Variants in RASGEF1A observed in about 807,000 individuals in gnomAD.
RASGEF1A encodes the protein RasGEF domain family member 1A.
A neutral mutation model predicts 56.4 loss-of-function variants in RASGEF1A; 18 were observed. The observed-to-expected ratio is 0.32, with a 90% confidence interval of 0.22 to 0.47. The LOEUF (loss-of-function observed/expected upper bound fraction) is 0.47. Among genes scored for constraint, RASGEF1A ranks in the 20% least tolerant of loss-of-function variants. The probability of loss-of-function intolerance (pLI) is 1.00; values close to 1 mark genes in which losing one functional copy is unlikely to be tolerated. For missense variants in RASGEF1A, 422 were observed against 627.1 expected (o/e 0.67, Z 3.49); for synonymous variants, 245 against 242.6 (o/e 1.01, Z -0.09).
chr10:43,255,701 C>A (rs1840680119), intron 1 of RASGEF1A, among the ~76,000 whole-genome samples: 2 of 152,210 alleles, frequency 1.3e-5, no homozygotes, highest in South Asian at 4.1e-4. Context: ...AGAGTTAAAA[C>A]CAAAACCCAG....
intron 1 of RASGEF1A, among the ~76,000 whole-genome samples, chr10:43,226,894 C>CACTAAGA (rs1476601564): frequency 6.6e-6 from 1 of 152,218 alleles, no homozygotes; most frequent in African/African-American, 2.4e-5. Flanking sequence ...CGGAACAGCC[C>CACTAAGA]ATGGACCTTA....
chr10:43,211,380 C>T (rs1237856734), intron 1 of RASGEF1A, among the ~76,000 whole-genome samples: 6 of 152,186 alleles, frequency 3.9e-5, no homozygotes, highest in Non-Finnish European at 8.8e-5. Context: ...CCCTGACCTG[C>T]ACAGCCTCAG....
At chr10:43,248,247 T>C (rs1227413527) in intron 1 of RASGEF1A, among the ~76,000 whole-genome samples, 1 of 151,498 alleles carries the variant, frequency 6.6e-6, no homozygotes, top group Non-Finnish European at 1.5e-5. Flanking sequence ...TCCCAGCTAC[T>C]TGGGAGGCTG....
Position 43,196,667 on chromosome 10 carries a change from C to A in RASGEF1A, c.1349-119G>T. On this transcript the variant is annotated intron_variant, in intron 11 of 12. Transcript: ENST00000395810. The surrounding 1 kb of genome is among the most constrained non-coding windows in gnomAD (Gnocchi z 4.6). ...GACAGTGACCTCTGGCTGGGCTGAA[C>A]ACAGTTCTCTGCTGTGCGGGGCTCT... 2.0e-6 allele frequency: 2 copies of A among 989,934 alleles called. No individual in the cohort carries two copies. The highest frequency in any genetic ancestry group is 3.1e-6 in the Non-Finnish European group (2 of 635,126). The allele number at this position is 989,934 out of a possible 1,614,324, so 61.3% of individuals were successfully genotyped here.
intron 1 of RASGEF1A, among the ~76,000 whole-genome samples, chr10:43,245,822 C>G (rs1384827394): frequency 6.6e-6 from 1 of 152,126 alleles, no homozygotes; most frequent in Non-Finnish European, 1.5e-5. Context: ...TTGTAGAAGA[C>G]CAAAAGCTTT....
chr10:43,234,489 C>T (rs1416849939), intron 1 of RASGEF1A, among the ~76,000 whole-genome samples: 1 of 152,170 alleles, frequency 6.6e-6, no homozygotes, highest in Non-Finnish European at 1.5e-5. Flanking sequence ...GGTGACAGAC[C>T]TTGCAGAACA....
intron 1 of RASGEF1A, among the ~76,000 whole-genome samples, chr10:43,239,779 G>A (rs1354829234): frequency 6.6e-6 from 1 of 152,214 alleles, no homozygotes; most frequent in African/African-American, 2.4e-5. Context: ...AAGGATGTCT[G>A]TATTTGACCT....
At chr10:43,266,428 C>A (rs1012872638) in intron 1 of RASGEF1A, among the ~76,000 whole-genome samples, 3 of 152,068 alleles carry the variant, frequency 2.0e-5, no homozygotes, top group Non-Finnish European at 4.4e-5. Flanking sequence ...ATGGAAACTT[C>A]CAACTGCGCA....
At chr10:43,219,579 G>A (rs892587591) in intron 1 of RASGEF1A, among the ~76,000 whole-genome samples, 9 of 152,210 alleles carry the variant, frequency 5.9e-5, no homozygotes, top group Non-Finnish European at 1.2e-4. Context: ...GCCCACCCGG[G>A]CACACTGCCC....
chr10:43,236,870 AG>A (rs1840437474), intron 1 of RASGEF1A, among the ~76,000 whole-genome samples: 1 of 152,100 alleles, frequency 6.6e-6, no homozygotes, highest in African/African-American at 2.4e-5. Flanking sequence ...CCTGGTGTGT[AG>A]GGGACAAGGG....
intron 1 of RASGEF1A, among the ~76,000 whole-genome samples, chr10:43,218,407 G>C (rs1445827421): frequency 6.6e-6 from 1 of 152,248 alleles, no homozygotes; most frequent in Non-Finnish European, 1.5e-5. Context: ...CTCAGAGCTG[G>C]CTCTGGTCTA....
chr10:43,229,078 C>T (rs1031744747), intron 1 of RASGEF1A, among the ~76,000 whole-genome samples: 29 of 152,208 alleles, frequency 1.9e-4, no homozygotes, highest in Admixed American at 9.2e-4. Context: ...AGGACCAGTT[C>T]TCCGCCTGCA....
intron 1 of RASGEF1A, among the ~76,000 whole-genome samples, chr10:43,222,022 C>T (rs1449291233): frequency 1.3e-5 from 2 of 152,200 alleles, no homozygotes; most frequent in Non-Finnish European, 2.9e-5. Flanking sequence ...CGTCGTTGTG[C>T]AAACCCCAGA....
chr10:43,216,411 G>A (rs1313099220), intron 1 of RASGEF1A, among the ~76,000 whole-genome samples: 3 of 152,226 alleles, frequency 2.0e-5, no homozygotes, highest in Non-Finnish European at 4.4e-5. Flanking sequence ...ATCTTGTGGG[G>A]GTCCTCACCT....
intron 1 of RASGEF1A, among the ~76,000 whole-genome samples, chr10:43,254,508 C>G (rs533052266): frequency 2.2e-4 from 33 of 152,358 alleles, no homozygotes; most frequent in African/African-American, 7.9e-4. Flanking sequence ...TCGGGCCTCA[C>G]GGCTGCACCG....
chr10:43,208,161 C>G (rs1840021744), intron 1 of RASGEF1A: 10 of 985,394 alleles, frequency 1.0e-5, no homozygotes, highest in Non-Finnish European at 1.2e-5. Context: ...TCACACAGTT[C>G]TGGGTTCAAA....
intron 1 of RASGEF1A, among the ~76,000 whole-genome samples, chr10:43,249,703 C>T (rs185183253): frequency 6.6e-6 from 1 of 152,338 alleles, no homozygotes; most frequent in East Asian, 1.9e-4. Flanking sequence ...CCTTGCCTGC[C>T]AAGCAGGGCC....
chr10:43,240,397 A>C (rs1049398680), intron 1 of RASGEF1A, among the ~76,000 whole-genome samples: 1 of 152,226 alleles, frequency 6.6e-6, no homozygotes, highest in Non-Finnish European at 1.5e-5. Flanking sequence ...GAATTGACTT[A>C]CTAAACAAAA....
intron 1 of RASGEF1A, among the ~76,000 whole-genome samples, chr10:43,230,356 G>A (rs1210609248): frequency 6.6e-6 from 1 of 152,212 alleles, no homozygotes; most frequent in South Asian, 2.1e-4. Flanking sequence ...GGTGGGCTGG[G>A]CACATGGCAC....
Sources: gnomAD v4.1 joint callset for allele counts (sites outside exome capture counted in the v4.1 genomes callset) on GRCh38, gnomAD v4.1.1 for gene constraint, Gnocchi (gnomAD v3.1) non-coding constraint, MANE v1.5 for transcripts, NCBI Gene and HGNC (gene_info 2026-07-23, HGNC 2026-07-21) for gene names.